The following ZNF827 variants were observed in gnomAD, a reference collection of about 807,000 sequenced individuals.
ZNF827 encodes zinc finger protein 827.
Under a neutral mutation model 102.4 loss-of-function variants are expected in ZNF827, and 13 were observed. That is an observed-to-expected ratio of 0.13 (90% CI 0.08 to 0.20). ZNF827 has a LOEUF of 0.20. Among genes scored for constraint, ZNF827 ranks in the 10% least tolerant of loss-of-function variants. The pLI, the probability that ZNF827 is intolerant of heterozygous loss-of-function variation, is 1.00. For missense variants in ZNF827, 1,103 were observed against 1,344.4 expected (o/e 0.82, Z 2.81); for synonymous variants, 523 against 536.2 (o/e 0.98, Z 0.34).
intron 8 of ZNF827, among the ~76,000 whole-genome samples, chr4:145,798,861 G>A (rs1740619561): frequency 6.6e-6 from 1 of 152,156 alleles, no homozygotes; most frequent in Non-Finnish European, 1.5e-5. Context: ...TTTTTCCACT[G>A]TGAGTTTGTA....
chr4:145,909,408 C>T (rs929993232), intron 1 of ZNF827, among the ~76,000 whole-genome samples: 3 of 152,246 alleles, frequency 2.0e-5, no homozygotes, highest in Admixed American at 6.5e-5. Context: ...ACCATCAGGG[C>T]TCTCTCTCAT....
At chr4:145,824,885 T>G (rs925243080) in intron 7 of ZNF827, among the ~76,000 whole-genome samples, 2 of 152,240 alleles carry the variant, frequency 1.3e-5, no homozygotes, top group African/African-American at 4.8e-5. Context: ...GACACTTTCT[T>G]TAAAGTAAAA....
intron 8 of ZNF827, among the ~76,000 whole-genome samples, chr4:145,803,198 T>A (rs1180019527): frequency 6.6e-6 from 1 of 152,204 alleles, no homozygotes; most frequent in Non-Finnish European, 1.5e-5. Flanking sequence ...TATCTGGGTT[T>A]TCTTCAAAAA....
chr4:145,870,028 A>G (rs893532505), intron 5 of ZNF827, among the ~76,000 whole-genome samples: 11 of 152,246 alleles, frequency 7.2e-5, no homozygotes, highest in Middle Eastern at 3.2e-3. Flanking sequence ...TAGTCAGGAA[A>G]AGGTTGTATT....
intron 2 of ZNF827, among the ~76,000 whole-genome samples, chr4:145,897,602 A>G (rs746447441): frequency 6.6e-5 from 10 of 152,204 alleles, no homozygotes; most frequent in Non-Finnish European, 1.3e-4. Flanking sequence ...ATGTGTCTCA[A>G]ATGCTATTTC....
intron 8 of ZNF827, among the ~76,000 whole-genome samples, chr4:145,797,610 C>A (rs1740503079): frequency 6.6e-6 from 1 of 152,184 alleles, no homozygotes; most frequent in Admixed American, 6.5e-5. Context: ...CTCTCCCTTT[C>A]TAGTTCCTGC....
chr4:145,803,964 C>T (rs1401022800), intron 8 of ZNF827, among the ~76,000 whole-genome samples: 1 of 152,086 alleles, frequency 6.6e-6, no homozygotes, highest in Non-Finnish European at 1.5e-5. Flanking sequence ...TATGCTTGTG[C>T]AACCCAGAAG....
chr4:145,814,838 G>A (rs1247678645), intron 8 of ZNF827, among the ~76,000 whole-genome samples: 2 of 152,172 alleles, frequency 1.3e-5, no homozygotes, highest in African/African-American at 4.8e-5. Context: ...CTACTCAGGA[G>A]GCTGAGGCAG....
chr4:145,764,804 CACCCT>C (rs1735029121), intron 13 of ZNF827, 179 bp downstream of exon 13: 29 of 730,364 alleles, frequency 4.0e-5, no homozygotes, highest in Non-Finnish European at 6.3e-5. Flanking sequence ...CATCTGTTGA[CACCCT>C]AGGGGGACAG....
At chr4:145,868,421 G>C (rs193280528) in intron 5 of ZNF827, among the ~76,000 whole-genome samples, 1 of 152,116 alleles carries the variant, frequency 6.6e-6, no homozygotes, top group Non-Finnish European at 1.5e-5. Flanking sequence ...TCCACATCAC[G>C]AAGCAGGGGC....
intron 8 of ZNF827, among the ~76,000 whole-genome samples, chr4:145,821,849 G>A (rs888787113): frequency 2.6e-5 from 4 of 152,182 alleles, no homozygotes; most frequent in Non-Finnish European, 5.9e-5. Context: ...TTTAGGTCAA[G>A]TTTTAACTTG....
At chr4:145,833,408 G>A (rs927694705) in intron 7 of ZNF827, among the ~76,000 whole-genome samples, 2 of 152,146 alleles carry the variant, frequency 1.3e-5, no homozygotes, top group African/African-American at 4.8e-5. Flanking sequence ...ATTCACCCAC[G>A]TTTCAAAGGT....
intron 7 of ZNF827, among the ~76,000 whole-genome samples, chr4:145,835,864 C>A (rs1039790578): frequency 6.6e-6 from 1 of 151,548 alleles, no homozygotes; most frequent in Admixed American, 6.6e-5. Context: ...ACCAGACAAG[C>A]CTTTACAAGT....
intron 1 of ZNF827, among the ~76,000 whole-genome samples, chr4:145,921,444 T>G (rs1400345895): frequency 9.0e-6 from 1 of 111,308 alleles, no homozygotes. Context: ...AGGCAGGGGT[T>G]GGGGAGGGGA....
At chr4:145,922,258 T>C (rs7658773) in intron 1 of ZNF827, among the ~76,000 whole-genome samples, 86,234 of 152,080 alleles carry the variant, frequency 0.57, 27,765 homozygotes, top group African/African-American at 0.87. Flanking sequence ...AAGTGTGGTG[T>C]GTGGACCCCT....
At chr4:145,926,960 A>G in intron 1 of ZNF827, among the ~76,000 whole-genome samples, 1 of 151,972 alleles carries the variant, frequency 6.6e-6, no homozygotes, top group East Asian at 1.9e-4. Flanking sequence ...TAAATGTCAC[A>G]AAGCAGCTCA....
Position 145,775,831 on chromosome 4 carries a change from G to T in ZNF827, c.2651C>A (p.Thr884Asn). 6.2e-7 allele frequency: 1 copy of T among 1,614,190 alleles called. No individual in the cohort carries two copies. The highest frequency in any genetic ancestry group is 1.1e-5 in the South Asian group (1 of 91,072). ...TTTCTTCCCATCACTGCCTTCAGAGGTGACGGCGCTGACAATGTCCTCGGT... is the reference window on the plus strand; with the variant it reads ...TTTCTTCCCATCACTGCCTTCAGAGTTGACGGCGCTGACAATGTCCTCGGT... ...TDTEDIVSAV[T>N]SEGSDGKKHP... is the part of the protein sequence containing the mutation. Residue 884 changes from threonine to asparagine, a missense_variant, in exon 10 of 15, where the codon ACC becomes AAC. Thr to Asn is a moderately conservative substitution (Grantham distance 65). Coordinates refer to ENST00000508784, the MANE Select transcript of ZNF827 (RefSeq NM_001306215.2).
intron 8 of ZNF827, among the ~76,000 whole-genome samples, chr4:145,793,261 A>C (rs1008656693): frequency 9.0e-5 from 12 of 133,302 alleles, no homozygotes; most frequent in African/African-American, 3.3e-4. Flanking sequence ...ATATATATAT[A>C]TATCTCTTAT....
At chr4:145,777,625 T>C (rs6537377) in intron 9 of ZNF827, among the ~76,000 whole-genome samples, 146,025 of 152,274 alleles carry the variant, frequency 0.96, 70,084 homozygotes, top group African/African-American at 0.99. Flanking sequence ...GATGATTAGG[T>C]TTCCTTTTTC....
Sources: gnomAD v4.1 joint callset for allele counts (sites outside exome capture counted in the v4.1 genomes callset) on GRCh38, gnomAD v4.1.1 for gene constraint, MANE v1.5 for transcripts, NCBI Gene and HGNC (gene_info 2026-07-23, HGNC 2026-07-21) for gene names.